The following CDK13 variants were observed in gnomAD, a reference collection of about 807,000 sequenced individuals.
CDK13 encodes cyclin-dependent kinase 13.
CDK13 carries 40 observed loss-of-function variants against 137.6 expected under a neutral mutation model. The ratio of observed to expected loss-of-function variants is 0.29; its 90% CI spans 0.23 to 0.38. The LOEUF (loss-of-function observed/expected upper bound fraction) is 0.38, where lower values mean the gene tolerates loss of function less well. Among genes scored for constraint, CDK13 ranks in the 10% least tolerant of loss-of-function variants. CDK13 has a pLI of 1.00. For missense variants in CDK13, 1,704 were observed against 1,951.8 expected, an observed-to-expected ratio of 0.87 and a Z score of 2.39; for synonymous variants, 869 against 760.1, an observed-to-expected ratio of 1.14 and a Z score of -2.36.
Position 39,953,584 on chromosome 7 carries a change from A to G in CDK13, c.1211+1732A>G, listed in dbSNP as rs6969547. Reference sequence around the variant, plus strand: ...ATGACTAGGACTATTCATATTTAGCAAGTATTTTTTGACCCTGTATTGTAT... The same window carrying G: ...ATGACTAGGACTATTCATATTTAGCGAGTATTTTTTGACCCTGTATTGTAT... On this transcript the variant is annotated intron_variant, in intron 1 of 13. Transcript: ENST00000181839. Among the ~76,000 whole-genome samples the G allele has an allele frequency of 8.5e-3, 1,289 of 152,306 alleles. 16 individuals carry two copies. The highest frequency in any genetic ancestry group is 0.029 in the African/African-American group (1,217 of 41,558).
At chr7:40,021,107 A>ACACACACACACACACAC (rs1562733081) in intron 5 of CDK13, among the ~76,000 whole-genome samples, 1 of 14,396 alleles carries the variant, frequency 6.9e-5, no homozygotes. Flanking sequence ...ACAAACGTAT[A>ACACACACACACACACAC]TATATATATA....
intron 9 of CDK13, among the ~76,000 whole-genome samples, chr7:40,063,567 A>T (rs2150527246): frequency 6.6e-6 from 1 of 152,274 alleles, no homozygotes; most frequent in Non-Finnish European, 1.5e-5. Context: ...CCTAGCGTAG[A>T]CCTTCATTAT....
chr7:40,094,234 C>T lies in CDK13; in HGVS notation c.3793C>T (p.Pro1265Ser). 1 of 1,613,554 alleles carries T rather than the reference C, an allele frequency of 6.2e-7. No individual in the cohort carries two copies. Among genetic ancestry groups the T allele is most frequent in the Non-Finnish European group, 8.5e-7 (1 of 1,179,816 alleles). ...LPPDQRPPEP[P>S]EPPPVTEEDL... ...TCCTGACCAACGACCTCCCGAGCCT[C>T]CTGAACCACCACCAGTCACTGAGGA... Residue 1265 changes from proline (P) to serine (S), a missense_variant, in exon 14 of 14, where the codon CCT (proline) becomes TCT (serine). Pro to Ser is a moderately conservative substitution (Grantham distance 74). Around this residue, in one of 5 missense-constraint regions of CDK13, gnomAD observed 475 missense variants for 579.3 expected, o/e 0.82. Coordinates refer to ENST00000181839, the MANE Select transcript of CDK13 (RefSeq NM_003718.5).
chr7:39,994,919 A>C (rs1374937501), intron 2 of CDK13, among the ~76,000 whole-genome samples: 3 of 151,888 alleles, frequency 2.0e-5, no homozygotes, highest in African/African-American at 7.2e-5. Context: ...AAAAAAAAAA[A>C]CAACTCTTCC....
chr7:40,088,314 G>C lies in CDK13; in HGVS notation c.3218G>C (p.Ser1073Thr), dbSNP rs766656005. 7 of 1,611,420 alleles carry C rather than the reference G, an allele frequency of 4.3e-6. No homozygotes were observed. The highest frequency in any genetic ancestry group is 5.1e-6 in the Non-Finnish European group (6 of 1,177,702). Reference sequence around the variant, plus strand: ...TCTTCACAGCTGAAATCTCAGGGCAGCTCAAATGTGGCACCTGGTCAGTAA... The same window carrying C: ...TCTTCACAGCTGAAATCTCAGGGCACCTCAAATGTGGCACCTGGTCAGTAA... ...LPSSQLKSQG[S>T]SNVAPVKTGP... The change falls in exon 12 of 14, where the codon AGC (serine) becomes ACC (threonine). Residue 1073 changes from serine to threonine, a missense_variant. Physicochemically the swap from Ser to Thr is moderately conservative, Grantham distance 58. Coordinates refer to ENST00000181839, the MANE Select transcript of CDK13 (RefSeq NM_003718.5).
At chr7:40,047,969 AAG>A in intron 7 of CDK13, 92 bp downstream of exon 7, 1 of 815,232 alleles carries the variant, frequency 1.2e-6, no homozygotes, top group Non-Finnish European at 2.0e-6. Flanking sequence ...TATTTTTTAA[AAG>A]AGAAGTTTAC....
At chr7:40,035,521 T>C (rs1368046660) in intron 5 of CDK13, among the ~76,000 whole-genome samples, 1 of 152,036 alleles carries the variant, frequency 6.6e-6, no homozygotes, top group Non-Finnish European at 1.5e-5. Flanking sequence ...CAAACCCTAT[T>C]GTGAACTGCA....
intron 2 of CDK13, among the ~76,000 whole-genome samples, chr7:39,992,164 G>GGGTA (rs767198215): frequency 4.5e-4 from 2 of 4,410 alleles, no homozygotes; most frequent in Non-Finnish European, 2.8e-3. Context: ...ACTAATGAGG[G>GGGTA]TGTGTGTGTG....
intron 7 of CDK13, among the ~76,000 whole-genome samples, chr7:40,051,783 G>C (rs1208353945): frequency 6.6e-6 from 1 of 152,164 alleles, no homozygotes; most frequent in African/African-American, 2.4e-5. Flanking sequence ...TGCTCTTCAT[G>C]TGCCTATTGA....
chr7:39,967,017 C>T (rs1178613375), intron 1 of CDK13, among the ~76,000 whole-genome samples: 1 of 152,130 alleles, frequency 6.6e-6, no homozygotes, highest in East Asian at 1.9e-4. Context: ...TGTCAGTCTG[C>T]CCCTACTCGG....
chr7:39,997,363 T>C, intron 2 of CDK13, 131 bp from the exon 3 acceptor site: 1 of 735,940 alleles, frequency 1.4e-6, no homozygotes, highest in Non-Finnish European at 2.3e-6. Flanking sequence ...GAAAGAAACT[T>C]GGACAATAGT....
At chr7:39,976,288 GTC>G (rs1174858221) in intron 1 of CDK13, among the ~76,000 whole-genome samples, 69 of 29,896 alleles carry the variant, frequency 2.3e-3, no homozygotes, top group African/African-American at 2.7e-3. Context: ...GCGAGATTCC[GTC>G]TCTCTCTCTC....
At chr7:40,084,116 G>A (rs565466611) in intron 11 of CDK13, among the ~76,000 whole-genome samples, 21 of 152,222 alleles carry the variant, frequency 1.4e-4, no homozygotes, top group African/African-American at 3.6e-4. Flanking sequence ...AGGCCGAGGC[G>A]GACCTATCAC....
intron 7 of CDK13, among the ~76,000 whole-genome samples, chr7:40,050,821 CTGTT>C (rs1218122839): frequency 2.0e-5 from 3 of 152,164 alleles, no homozygotes; most frequent in Non-Finnish European, 4.4e-5. Context: ...AAGTTTGTGT[CTGTT>C]GTTAATTATG....
rs561501587 is a variant in CDK13, at chr7:40,035,334, G to A, written c.2354-10502G>A. On this transcript the variant is annotated intron_variant, in intron 5 of 13. Coordinates refer to ENST00000181839, the MANE Select transcript of CDK13 (RefSeq NM_003718.5). ...TAAACCAGGGTTTCCCAGCCCCCAG[G>A]CCATGGACAGGTACTGGTCTGTGGC... Among the ~76,000 whole-genome samples the A allele has an allele frequency of 5.9e-5, 9 of 152,254 alleles. No homozygotes were observed. The South Asian group carries it at 1.5e-3, about 25-fold the overall frequency.
At chr7:39,953,094 CT>C (rs1379179179) in intron 1 of CDK13, among the ~76,000 whole-genome samples, 3 of 152,136 alleles carry the variant, frequency 2.0e-5, no homozygotes, top group Non-Finnish European at 4.4e-5. Context: ...GAATATGCAT[CT>C]GCAAAATTAG....
rs1027447064 is a variant in CDK13, at chr7:39,996,118, C to T, written c.1872-1376C>T. On this transcript the variant is annotated intron_variant, in intron 2 of 13. Coordinates refer to ENST00000181839, the MANE Select transcript of CDK13 (RefSeq NM_003718.5). ...CATAAATTTACTATGATAATTAAGT[C>T]GTTTTTATCAGATGGTATTATTAAG... 5.9e-5 allele frequency among the ~76,000 whole-genome samples: 9 copies of T among 152,064 alleles called. No individual in the cohort carries two copies. The East Asian group carries it at 1.3e-3, about 23-fold the overall frequency.
chr7:40,054,452 T>TG (rs1198434482), intron 7 of CDK13, among the ~76,000 whole-genome samples: 1 of 151,992 alleles, frequency 6.6e-6, no homozygotes, highest in African/African-American at 2.4e-5. Context: ...TTTTTTGAGA[T>TG]GGAGTTTCGC....
At chr7:39,995,573 A>AAAGAAACT (rs113001802) in intron 2 of CDK13, among the ~76,000 whole-genome samples, 14 of 152,298 alleles carry the variant, frequency 9.2e-5, no homozygotes, top group African/African-American at 3.1e-4. Flanking sequence ...GCTCTTTTTG[A>AAAGAAACT]AAGAAACTAT....
Sources: allele counts gnomAD v4.1 joint callset (sites outside exome capture counted in the v4.1 genomes callset), GRCh38; gene constraint gnomAD v4.1.1; regional missense constraint gnomAD v4.1.1; transcripts MANE v1.5; gene names NCBI Gene and HGNC (gene_info 2026-07-23, HGNC 2026-07-21).